The following DRC8 variants were observed in gnomAD, a reference collection of about 807,000 sequenced individuals.
DRC8 encodes dynein regulatory complex subunit 8.
chr1:244,982,123 G>T, the DRC8 span, among the ~76,000 whole-genome samples: 17 of 152,200 alleles, frequency 1.1e-4, no homozygotes, highest in Non-Finnish European at 2.1e-4. Flanking sequence ...AGGGAAGCCT[G>T]AAGAGGAATC....
At chr1:245,079,734 A>G in the DRC8 span, among the ~76,000 whole-genome samples, 2 of 152,186 alleles carry the variant, frequency 1.3e-5, no homozygotes, top group Non-Finnish European at 1.5e-5. Flanking sequence ...GAAAAAAACC[A>G]TTGCTCTTGC....
chr1:245,014,451 G>C, the DRC8 span, among the ~76,000 whole-genome samples: 1 of 152,076 alleles, frequency 6.6e-6, no homozygotes, highest in African/African-American at 2.4e-5. Context: ...ATATTTATTT[G>C]TTGTTAAATT....
chr1:245,000,704 C>T, the DRC8 span, among the ~76,000 whole-genome samples: 2 of 151,600 alleles, frequency 1.3e-5, no homozygotes, highest in Non-Finnish European at 2.9e-5. Flanking sequence ...TGGCGTGAAC[C>T]CTGGAGGCGG....
chr1:245,082,116 T>C, the DRC8 span: 1 of 1,612,948 alleles, frequency 6.2e-7, no homozygotes, highest in Middle Eastern at 1.7e-4. Flanking sequence ...ATACATTCGA[T>C]TCGAAAAATT....
At chr1:245,072,538 C>T in the DRC8 span, among the ~76,000 whole-genome samples, 1,139 of 152,278 alleles carry the variant, frequency 7.5e-3, 19 homozygotes, top group African/African-American at 0.026. Context: ...CGCCTGGCCT[C>T]AGAGGAGTTT....
the DRC8 span, among the ~76,000 whole-genome samples, chr1:245,013,519 G>A: frequency 6.6e-6 from 1 of 152,080 alleles, no homozygotes. Context: ...GGTGAATTGG[G>A]CAGGATTGTT....
chr1:245,082,164 T>A, the DRC8 span: 5 of 1,608,038 alleles, frequency 3.1e-6, no homozygotes, highest in South Asian at 2.2e-5. Context: ...AGAAAGAAAG[T>A]AAGTAAGTAA....
the DRC8 span, among the ~76,000 whole-genome samples, chr1:245,015,965 C>CTTTTTTTTTTTTT: frequency 3.0e-4 from 17 of 57,186 alleles, 2 homozygotes; most frequent in Admixed American, 7.4e-4. Context: ...GCCTACAGGG[C>CTTTTTTTTTTTTT]TTTTTTTTTT....
chr1:245,096,840 G>T, the DRC8 span, among the ~76,000 whole-genome samples: 4 of 152,316 alleles, frequency 2.6e-5, no homozygotes, highest in African/African-American at 7.2e-5. Flanking sequence ...GCTGTGTCAG[G>T]TATAGGATAT....
the DRC8 span, among the ~76,000 whole-genome samples, chr1:245,024,903 T>C: frequency 6.6e-6 from 1 of 152,218 alleles, no homozygotes; most frequent in Non-Finnish European, 1.5e-5. Context: ...TTGTATTTCC[T>C]TTTGTTTGAC....
the DRC8 span, among the ~76,000 whole-genome samples, chr1:244,996,744 T>A: frequency 6.6e-6 from 1 of 152,342 alleles, no homozygotes; most frequent in East Asian, 1.9e-4. Flanking sequence ...TGCCTTTGTA[T>A]TTAAATATGA....
the DRC8 span, among the ~76,000 whole-genome samples, chr1:245,095,660 A>AC: frequency 3.3e-5 from 5 of 152,172 alleles, no homozygotes; most frequent in Non-Finnish European, 7.4e-5. Flanking sequence ...CTCCCAAAGA[A>AC]CCGGGATTAG....
At chr1:245,014,722 A>T in the DRC8 span, among the ~76,000 whole-genome samples, 1 of 152,192 alleles carries the variant, frequency 6.6e-6, no homozygotes, top group Admixed American at 6.5e-5. Context: ...ATCTGAGTTC[A>T]GTCCAGCTCT....
the DRC8 span, among the ~76,000 whole-genome samples, chr1:245,074,601 C>A: frequency 6.6e-6 from 1 of 152,184 alleles, no homozygotes; most frequent in Non-Finnish European, 1.5e-5. Flanking sequence ...GATTCTTAGA[C>A]TCTCTGGTGA....
the DRC8 span, among the ~76,000 whole-genome samples, chr1:245,071,562 G>T: frequency 6.6e-6 from 1 of 152,202 alleles, no homozygotes. Flanking sequence ...AATTGGCAAA[G>T]AGTTTCTAAA....
chr1:245,060,728 A>G, the DRC8 span, among the ~76,000 whole-genome samples: 2 of 152,276 alleles, frequency 1.3e-5, no homozygotes, highest in African/African-American at 2.4e-5. Flanking sequence ...TCACATGCTC[A>G]GGATAGTAAG....
At chr1:245,105,558 G>A in the DRC8 span, among the ~76,000 whole-genome samples, 5 of 149,556 alleles carry the variant, frequency 3.3e-5, no homozygotes, top group East Asian at 2.0e-4. Context: ...AGGACATGGC[G>A]GTTGCAGTGA....
At chr1:245,006,374 C>T in the DRC8 span, among the ~76,000 whole-genome samples, 3 of 152,002 alleles carry the variant, frequency 2.0e-5, no homozygotes, top group Admixed American at 6.5e-5. Flanking sequence ...TGCAATGGTG[C>T]GATCTCCACT....
chr1:245,100,282 T>A, the DRC8 span, among the ~76,000 whole-genome samples: 1 of 151,730 alleles, frequency 6.6e-6, no homozygotes, highest in East Asian at 1.9e-4. Context: ...CTACTCGGGA[T>A]GCTGAGACAG....
Sources: allele counts gnomAD v4.1 joint callset (sites outside exome capture counted in the v4.1 genomes callset), GRCh38; gene constraint gnomAD v4.1.1; transcripts MANE v1.5; gene names NCBI Gene and HGNC (gene_info 2026-07-23, HGNC 2026-07-21).